Variants in CELSR1 observed in about 807,000 individuals in gnomAD.
The protein encoded by CELSR1 is cadherin EGF LAG seven-pass G-type receptor 1.
CELSR1 carries 110 observed loss-of-function variants against 249.1 expected under a neutral mutation model. That is an observed-to-expected ratio of 0.44 (90% CI 0.38 to 0.52). The LOEUF (loss-of-function observed/expected upper bound fraction) is 0.52. Ranked by LOEUF, CELSR1 falls within the 20% of genes least tolerant of loss-of-function variation. The pLI is 0.00. For synonymous variants in CELSR1, 2,113 were observed against 1,900.0 expected, an observed-to-expected ratio of 1.11 and a Z score of -2.92; for missense variants, 4,109 against 4,296.4, an observed-to-expected ratio of 0.96 and a Z score of 1.22.
At position 46,409,511 on chromosome 22, in the gene CELSR1, G is replaced by A. The variant is rs1281213219; in HGVS notation, c.5059+244C>T. On this transcript the variant is annotated intron_variant, in intron 8 of 34. Transcript: ENST00000674500. The surrounding 1 kb of genome is among the most constrained non-coding windows in gnomAD (Gnocchi z 9.8). ...GGCTGGGGTGCTGGGGCTGGGCTCT[G>A]CCGGCCCAGCCTACCTGTCCCACCC... 6.6e-6 allele frequency among the ~76,000 whole-genome samples: 1 copy of A among 152,162 alleles called. No homozygotes were observed. Among genetic ancestry groups the A allele is most frequent in the African/African-American group, 2.4e-5 (1 of 41,432 alleles).
intron 24 of CELSR1, among the ~76,000 whole-genome samples, chr22:46,376,279 C>T (rs1378680674): frequency 6.6e-6 from 1 of 152,188 alleles, no homozygotes. Flanking sequence ...TTAAACCATC[C>T]TTGCATTCCT....
chr22:46,519,075 C>T (rs955500562), intron 1 of CELSR1, among the ~76,000 whole-genome samples: 1 of 151,748 alleles, frequency 6.6e-6, no homozygotes. Flanking sequence ...AATACTGCCA[C>T]GTGCTGCGCT....
At chr22:46,414,636 C>T (rs865979184) in intron 5 of CELSR1, among the ~76,000 whole-genome samples, 5 of 147,954 alleles carry the variant, frequency 3.4e-5, no homozygotes, top group Middle Eastern at 7.3e-3. Context: ...GCAGGCTAAC[C>T]GTCCACTCTG....
At chr22:46,499,913 T>C (rs987393848) in intron 1 of CELSR1, among the ~76,000 whole-genome samples, 1 of 151,888 alleles carries the variant, frequency 6.6e-6, no homozygotes, top group Admixed American at 6.6e-5. Flanking sequence ...TGCCTCTTCC[T>C]CTCCTCCAGA....
chr22:46,404,446 G>T (rs2223513), intron 9 of CELSR1, among the ~76,000 whole-genome samples: 3,868 of 152,042 alleles, frequency 0.025, 158 homozygotes, highest in African/African-American at 0.088. Context: ...AAAAGAAAAC[G>T]CTACATGCTT....
rs748442209 is a variant in CELSR1, at chr22:46,535,422, G to C, written c.1749C>G (p.Pro583=). The part of the protein sequence containing the change: ...TVLENVPLGY[P]VVHIQAVDAD... ...CGTCCACCGCCTGAATGTGCACCAC[G>C]GGGTAGCCCAGGGGCACATTCTCCA... The change falls in exon 1 of 35, where the codon CCC becomes CCG. Residue 583 remains proline, a synonymous_variant. Coordinates refer to ENST00000674500, the MANE Select transcript of CELSR1 (RefSeq NM_001378328.1). 4 of 1,608,208 alleles carry C rather than the reference G, an allele frequency of 2.5e-6. No individual in the cohort carries two copies. Among genetic ancestry groups the C allele is most frequent in the Non-Finnish European group, 3.4e-6 (4 of 1,177,330 alleles).
Position 46,447,686 on chromosome 22 carries a change from G to A in CELSR1, c.4184-8275C>T, listed in dbSNP as rs540572222. Among the ~76,000 whole-genome samples the A allele has an allele frequency of 2.9e-4, 44 of 152,220 alleles. No individual in the cohort carries two copies. In the South Asian group the frequency reaches 5.4e-3, roughly 19 times the overall value. On this transcript the variant is annotated intron_variant, in intron 2 of 34. Coordinates refer to ENST00000674500, the MANE Select transcript of CELSR1 (RefSeq NM_001378328.1). This position sits in a 1 kb window ranked among gnomAD's most constrained non-coding sequence, Gnocchi z 4.7. The stretch of plus-strand genomic sequence containing the variant: ...CGCCCAGGCTGGAGTGCAATGGTGC[G>A]ATCTCGGCTCACAACCTCCACCTCC...
chr22:46,457,844 G>C (rs564236446), intron 2 of CELSR1, among the ~76,000 whole-genome samples: 1 of 152,184 alleles, frequency 6.6e-6, no homozygotes, highest in Non-Finnish European at 1.5e-5. Context: ...TGGAGGGTCC[G>C]GTTCCTCCTA....
At chr22:46,503,494 A>C (rs927390343) in intron 1 of CELSR1, among the ~76,000 whole-genome samples, 3 of 152,228 alleles carry the variant, frequency 2.0e-5, no homozygotes, top group Non-Finnish European at 4.4e-5. Flanking sequence ...ACTGAGACAC[A>C]GGAAGAACCA....
intron 1 of CELSR1, among the ~76,000 whole-genome samples, chr22:46,492,042 C>G (rs2080372448): frequency 6.6e-6 from 1 of 152,226 alleles, no homozygotes; most frequent in South Asian, 2.1e-4. Context: ...CTGGGCAAGG[C>G]TGAGCTAAGA....
In CELSR1 at chr22:46,471,673, G is replaced by A. The variant is rs146794499; in HGVS notation, c.3545-7328C>T. 0.033 allele frequency among the ~76,000 whole-genome samples: 5,092 copies of A among 152,268 alleles called. 118 individuals carry two copies. The highest frequency in any genetic ancestry group is 0.099 in the Middle Eastern group (29 of 292). On this transcript the variant is annotated intron_variant, in intron 1 of 34. Coordinates refer to ENST00000674500, the MANE Select transcript of CELSR1 (RefSeq NM_001378328.1). This position sits in a 1 kb window ranked among gnomAD's most constrained non-coding sequence, Gnocchi z 4.9. ...AGCCTCCCAAAGTGCTGGGATTCAC[G>A]GGTGTGAGCCGCTGCCCCTGGCCTC...
intron 1 of CELSR1, among the ~76,000 whole-genome samples, chr22:46,529,816 G>C (rs1372654498): frequency 6.6e-6 from 1 of 150,932 alleles, no homozygotes; most frequent in Non-Finnish European, 1.5e-5. Flanking sequence ...AAAAAAAAAA[G>C]AATAAGACCT....
chr22:46,368,380 C>T (rs79846114), intron 27 of CELSR1, among the ~76,000 whole-genome samples: 14,580 of 152,078 alleles, frequency 0.096, 839 homozygotes, highest in Non-Finnish European at 0.14. Flanking sequence ...GCACTGAAGA[C>T]GAGGAACTGA....
chr22:46,426,852 A>G (rs1178395057), intron 5 of CELSR1, among the ~76,000 whole-genome samples: 2 of 152,216 alleles, frequency 1.3e-5, no homozygotes, highest in Non-Finnish European at 2.9e-5. Context: ...GGCCTTCGCC[A>G]GGCCCCAAAC....
chr22:46,382,990 G>A (rs1341362305), intron 20 of CELSR1, among the ~76,000 whole-genome samples: 1 of 152,238 alleles, frequency 6.6e-6, no homozygotes, highest in African/African-American at 2.4e-5. Context: ...ATGCAGTTTG[G>A]ATGTGTGGCC....
intron 1 of CELSR1, among the ~76,000 whole-genome samples, chr22:46,528,705 G>A (rs1187026314): frequency 6.6e-6 from 1 of 152,130 alleles, no homozygotes; most frequent in Non-Finnish European, 1.5e-5. Context: ...GAGGCGGGCG[G>A]ATCACGAGGT....
Position 46,521,399 on chromosome 22 carries a change from G to A in CELSR1, c.3544+12228C>T, listed in dbSNP as rs376363731. Among the ~76,000 whole-genome samples, 105 of 152,172 alleles carry A rather than the reference G, an allele frequency of 6.9e-4. 1 individual carries two copies. In the East Asian group the frequency reaches 0.017, roughly 24 times the overall value. On this transcript the variant is annotated intron_variant, in intron 1 of 34. Coordinates refer to ENST00000674500, the MANE Select transcript of CELSR1 (RefSeq NM_001378328.1). ...GGGCACCTGTAGTCCCAGCTACTCG[G>A]GAGGCTGAGGCAGGAGAATGGCATG... is the stretch of plus-strand genomic sequence containing the variant.
chr22:46,455,141 C>T (rs2079932817), intron 2 of CELSR1, among the ~76,000 whole-genome samples: 1 of 152,202 alleles, frequency 6.6e-6, no homozygotes, highest in Non-Finnish European at 1.5e-5. Context: ...CCAGGAGAGG[C>T]CCTCTCCTAA....
At chr22:46,375,531 G>A (rs2078909389) in intron 24 of CELSR1, among the ~76,000 whole-genome samples, 1 of 148,852 alleles carries the variant, frequency 6.7e-6, no homozygotes, top group East Asian at 2.0e-4. Context: ...TCCACCTGCT[G>A]CCAGGCTCTT....
Sources: gnomAD v4.1 joint callset for allele counts (sites outside exome capture counted in the v4.1 genomes callset) on GRCh38, gnomAD v4.1.1 for gene constraint, Gnocchi (gnomAD v3.1) non-coding constraint, MANE v1.5 for transcripts, NCBI Gene and HGNC (gene_info 2026-07-23, HGNC 2026-07-21) for gene names.